Variants in PARD3B observed in about 807,000 individuals in gnomAD.
The protein encoded by PARD3B is partitioning defective 3 homolog B.
In PARD3B, 103 loss-of-function variants were observed where a neutral mutation model predicts 130.2. The observed-to-expected ratio is 0.79, with a 90% CI of 0.67 to 0.93. The LOEUF (loss-of-function observed/expected upper bound fraction) is 0.93, where lower values mean the gene tolerates loss of function less well. Ranked by LOEUF, PARD3B falls within the 40% of genes least tolerant of loss-of-function variation. The probability of loss-of-function intolerance (pLI) is 0.00; values close to 1 mark genes in which losing one functional copy is unlikely to be tolerated. For missense variants in PARD3B, 1,609 were observed against 1,499.2 expected (o/e 1.07, Z -1.21); for synonymous variants, 583 against 553.2 (o/e 1.05, Z -0.76).
At chr2:204,650,618 G>A (rs775940380) in intron 1 of PARD3B, among the ~76,000 whole-genome samples, 1 of 152,128 alleles carries the variant, frequency 6.6e-6, no homozygotes, top group Non-Finnish European at 1.5e-5. Flanking sequence ...GGAGTAGGAG[G>A]CCATTTTCCT....
intron 20 of PARD3B, among the ~76,000 whole-genome samples, chr2:205,498,510 A>T (rs2050030865): frequency 6.6e-6 from 1 of 152,174 alleles, no homozygotes; most frequent in African/African-American, 2.4e-5. Context: ...TCAAAAAAAA[A>T]AAAGAACTTT....
chr2:204,616,807 T>C (rs2034129242), intron 1 of PARD3B, among the ~76,000 whole-genome samples: 1 of 151,970 alleles, frequency 6.6e-6, no homozygotes, highest in Admixed American at 6.6e-5. Context: ...CTGCGTGTAG[T>C]GGTGTGTGTC....
rs1048214256 is a variant in PARD3B, at chr2:205,473,755, T to A, written c.3045-26141T>A. On this transcript the variant is annotated intron_variant, in intron 20 of 22. Transcript: ENST00000406610. This position sits in a 1 kb window ranked among gnomAD's most constrained non-coding sequence, Gnocchi z 4.9. ...CCCTAAATATATATATATATATATATAACCTTAAATATATATATTTTATAT... is the reference window on the plus strand; with the variant it reads ...CCCTAAATATATATATATATATATAAAACCTTAAATATATATATTTTATAT... Among the ~76,000 whole-genome samples the A allele has an allele frequency of 2.8e-5, 4 of 142,226 alleles. No homozygotes were observed. The highest frequency in any genetic ancestry group is 2.1e-4 in the South Asian group (1 of 4,688). The allele number at this position is 142,226 out of a possible 152,430, so 93.3% of individuals were successfully genotyped here.
intron 15 of PARD3B, among the ~76,000 whole-genome samples, chr2:205,196,106 C>T (rs944468669): frequency 6.6e-5 from 10 of 152,108 alleles, no homozygotes; most frequent in African/African-American, 2.4e-4. Flanking sequence ...ATAAAGCCTC[C>T]TTATTCCCAT....
intron 2 of PARD3B, among the ~76,000 whole-genome samples, chr2:204,713,293 C>T (rs1292143071): frequency 1.3e-5 from 2 of 151,666 alleles, no homozygotes; most frequent in African/African-American, 4.8e-5. Context: ...TTTCCAAATC[C>T]AGTGTGCCAG....
chr2:205,580,458 T>A (rs192679541), intron 22 of PARD3B, among the ~76,000 whole-genome samples: 65 of 152,282 alleles, frequency 4.3e-4, no homozygotes, highest in African/African-American at 1.5e-3. Context: ...CAGGAGGGCA[T>A]GTTGATATTG....
At chr2:205,296,049 T>C (rs1391518666) in intron 16 of PARD3B, among the ~76,000 whole-genome samples, 2 of 152,208 alleles carry the variant, frequency 1.3e-5, no homozygotes, top group African/African-American at 4.8e-5. Flanking sequence ...CAATGATGGA[T>C]TGAACCAAAT....
intron 2 of PARD3B, among the ~76,000 whole-genome samples, chr2:204,849,174 T>C (rs977049718): frequency 6.6e-6 from 1 of 152,046 alleles, no homozygotes; most frequent in African/African-American, 2.4e-5. Context: ...AGAGTCAAAT[T>C]TGGGGTCTAT....
intron 1 of PARD3B, among the ~76,000 whole-genome samples, chr2:204,557,848 T>C (rs1044955769): frequency 6.6e-6 from 1 of 152,202 alleles, no homozygotes. Flanking sequence ...TCAGACTGAG[T>C]GCTCTGTAGT....
chr2:205,482,370 T>C (rs1163820876), intron 20 of PARD3B, among the ~76,000 whole-genome samples: 1 of 152,020 alleles, frequency 6.6e-6, no homozygotes, highest in African/African-American at 2.4e-5. Flanking sequence ...GTTTTAGCAG[T>C]GGTGAAGGTA....
In PARD3B at chr2:205,121,881, C is replaced by T. The variant is rs765443472; in HGVS notation, c.1097C>T (p.Ser366Leu). ...PRLGGKPSSP[S>L]LSPLMGFGSN... is the part of the protein sequence containing the mutation. ...CTGGGAGGAAAACCATCCTCTCCCT[C>T]ACTCTCGCCTCTCATGGGATTTGGC... The change falls in exon 8 of 23, where the codon TCA becomes TTA. Residue 366 changes from serine to leucine, a missense_variant. Ser to Leu is a moderately radical substitution (Grantham distance 145). Coordinates refer to ENST00000406610, the MANE Select transcript of PARD3B (RefSeq NM_001302769.2). This position sits in a 1 kb window ranked among gnomAD's most constrained non-coding sequence, Gnocchi z 5.0. The T allele has an allele frequency of 2.7e-5, 43 of 1,614,058 alleles. No homozygotes were observed. The highest frequency in any genetic ancestry group is 6.7e-5 in the Admixed American group (4 of 60,028).
At chr2:205,047,817 T>A in intron 4 of PARD3B, 127 bp downstream of exon 4, 1 of 615,556 alleles carries the variant, frequency 1.6e-6, no homozygotes, top group Non-Finnish European at 2.8e-6. Flanking sequence ...TATATAGTAT[T>A]AGTTATACTA....
chr2:204,629,974 C>G (rs887381220), intron 1 of PARD3B, among the ~76,000 whole-genome samples: 1 of 152,054 alleles, frequency 6.6e-6, no homozygotes, highest in African/African-American at 2.4e-5. Context: ...TATCTCCAAA[C>G]CTGAGAATAA....
At chr2:204,739,320 T>C (rs1215442471) in intron 2 of PARD3B, among the ~76,000 whole-genome samples, 1 of 152,138 alleles carries the variant, frequency 6.6e-6, no homozygotes, top group Non-Finnish European at 1.5e-5. Context: ...CATTTATCTA[T>C]GTATTGAAAT....
intron 1 of PARD3B, among the ~76,000 whole-genome samples, chr2:204,643,008 G>A (rs1297649357): frequency 6.7e-6 from 1 of 149,340 alleles, no homozygotes; most frequent in Non-Finnish European, 1.5e-5. Context: ...CAGCTACTCG[G>A]GAGGCTGAGG....
At chr2:205,582,420 A>C (rs2054021214) in intron 22 of PARD3B, among the ~76,000 whole-genome samples, 1 of 152,164 alleles carries the variant, frequency 6.6e-6, no homozygotes. Context: ...AAATTAAGTA[A>C]TCATGTTTCA....
chr2:204,697,486 C>T (rs1463057210), intron 2 of PARD3B, among the ~76,000 whole-genome samples: 10 of 152,260 alleles, frequency 6.6e-5, no homozygotes, highest in African/African-American at 1.7e-4. Flanking sequence ...GAAGCACATG[C>T]TGCTTTCTAA....
intron 3 of PARD3B, among the ~76,000 whole-genome samples, chr2:205,045,736 A>C (rs911288012): frequency 6.6e-5 from 10 of 151,736 alleles, no homozygotes; most frequent in African/African-American, 2.4e-4. Context: ...TCTCTCTCTC[A>C]CACACGCACA....
chr2:204,743,972 C>T (rs984515010), intron 2 of PARD3B, among the ~76,000 whole-genome samples: 1 of 152,104 alleles, frequency 6.6e-6, no homozygotes, highest in African/African-American at 2.4e-5. Context: ...ATTTCAGAGT[C>T]TAACAAAACC....
Sources: gnomAD v4.1 joint callset for allele counts (sites outside exome capture counted in the v4.1 genomes callset) on GRCh38, gnomAD v4.1.1 for gene constraint, Gnocchi (gnomAD v3.1) non-coding constraint, MANE v1.5 for transcripts, NCBI Gene and HGNC (gene_info 2026-07-23, HGNC 2026-07-21) for gene names.